Variants in TMEM39A observed in about 807,000 individuals in gnomAD.
TMEM39A encodes transmembrane protein 39A.
A neutral mutation model predicts 51.9 loss-of-function variants in TMEM39A; 19 were observed. The observed-to-expected ratio is 0.37, with a 90% CI of 0.26 to 0.54. The LOEUF is 0.54. TMEM39A is among the 20% of genes least tolerant of loss of function. The pLI, the probability that TMEM39A is intolerant of heterozygous loss-of-function variation, is 0.88. For missense variants in TMEM39A, 433 were observed against 590.5 expected (o/e 0.73, Z 2.76); for synonymous variants, 197 against 220.2 (o/e 0.89, Z 0.93).
intron 5 of TMEM39A, among the ~76,000 whole-genome samples, chr3:119,444,514 T>C (rs1393778484): frequency 6.6e-6 from 1 of 152,222 alleles, no homozygotes; most frequent in Non-Finnish European, 1.5e-5. Flanking sequence ...AGACCTACTA[T>C]AGTATAACCA....
intron 2 of TMEM39A, among the ~76,000 whole-genome samples, chr3:119,461,116 C>G (rs537122089): frequency 7.2e-5 from 11 of 152,224 alleles, no homozygotes; most frequent in African/African-American, 2.6e-4. Flanking sequence ...GTAAAAAATA[C>G]TCTAGCATAA....
intron 5 of TMEM39A, among the ~76,000 whole-genome samples, 163 bp from the exon 6 acceptor site, chr3:119,438,266 G>A (rs1158873112): frequency 1.3e-5 from 2 of 152,046 alleles, no homozygotes; most frequent in African/African-American, 2.4e-5. Context: ...CATTATCTGG[G>A]GAGCTCTTCA....
At chr3:119,434,285 C>T (rs779473565) in intron 8 of TMEM39A, among the ~76,000 whole-genome samples, 1 of 152,118 alleles carries the variant, frequency 6.6e-6, no homozygotes, top group African/African-American at 2.4e-5. Context: ...CTTTTCATGG[C>T]ATTTGTCTGA....
intron 3 of TMEM39A, among the ~76,000 whole-genome samples, chr3:119,455,437 T>C (rs2081251511): frequency 6.6e-6 from 1 of 152,210 alleles, no homozygotes; most frequent in South Asian, 2.1e-4. Context: ...ACAACCTCCA[T>C]TAAGTGTGCG....
Position 119,431,363 on chromosome 3 carries a change from C to T in TMEM39A, c.*618G>A, listed in dbSNP as rs2080897251. 6.6e-6 allele frequency: 1 copy of T among 152,152 alleles called. No individual in the cohort carries two copies. Among genetic ancestry groups the T allele is most frequent in the Non-Finnish European group, 1.5e-5 (1 of 68,046 alleles). The allele number at this position is 152,152 out of a possible 1,614,324, so 9.4% of individuals were successfully genotyped here. ...AGTGGAAACACAGGAAAAGTGGCAG[C>T]AAAACCCTCAGCCTCAGGATAGTAG... On this transcript the variant is annotated 3_prime_UTR_variant, in exon 9 of 9. Coordinates refer to ENST00000319172, the MANE Select transcript of TMEM39A (RefSeq NM_018266.3).
rs367905542 is a variant in TMEM39A, at chr3:119,447,073, G to T, written c.520C>A (p.Leu174Ile). The part of the protein sequence containing the change: ...TLCGWVLCWT[L>I]VNLFRSHSVL... ...GAATGGCTTCGAAAGAGATTGACGA[G>T]GGTCCAACAAAGTACCCATCCACAC... The change falls in exon 5 of 9, where the codon CTC becomes ATC. Residue 174 changes from leucine (L) to isoleucine (I), a missense_variant. Physicochemically the swap from Leu to Ile is conservative, Grantham distance 5. Transcript: ENST00000319172. 6.2e-7 allele frequency: 1 copy of T among 1,614,002 alleles called. No individual in the cohort carries two copies. Among genetic ancestry groups the T allele is most frequent in the Non-Finnish European group, 8.5e-7 (1 of 1,180,016 alleles).
chr3:119,429,577 T>G lies in TMEM39A; in HGVS notation c.*2404A>C, dbSNP rs1430588249. ...CAAATATAGTGTCCCTTCTGTTACA[T>G]GAACTATAATAGGATATCCGGGTAA... On this transcript the variant is annotated 3_prime_UTR_variant, in exon 9 of 9. Transcript: ENST00000319172. 12 of 152,130 alleles carry G rather than the reference T, an allele frequency of 7.9e-5. No individual in the cohort carries two copies. Among genetic ancestry groups the G allele is most frequent in the Non-Finnish European group, 1.5e-5 (1 of 67,990 alleles). 9.4% of individuals were successfully genotyped at this position (152,130 alleles called of 1,614,324 possible).
intron 5 of TMEM39A, among the ~76,000 whole-genome samples, chr3:119,442,022 G>A (rs778375724): frequency 9.9e-5 from 15 of 152,174 alleles, no homozygotes; most frequent in East Asian, 3.8e-4. Flanking sequence ...TTGAACCTAC[G>A]GTTTAGAAAA....
At chr3:119,435,106 G>C in intron 7 of TMEM39A, 1 of 985,088 alleles carries the variant, frequency 1.0e-6, no homozygotes, top group African/African-American at 1.7e-5. Flanking sequence ...AAGAAATATA[G>C]TTAACTCAGT....
At chr3:119,436,308 T>C (rs566724106) in intron 7 of TMEM39A, among the ~76,000 whole-genome samples, 6 of 151,928 alleles carry the variant, frequency 3.9e-5, no homozygotes, top group Admixed American at 6.6e-5. Flanking sequence ...AAGAAAATAA[T>C]AGTAAAAAAG....
At chr3:119,458,824 G>A (rs1478129924) in intron 2 of TMEM39A, among the ~76,000 whole-genome samples, 1 of 152,180 alleles carries the variant, frequency 6.6e-6, no homozygotes, top group Non-Finnish European at 1.5e-5. Flanking sequence ...GAACTTAGGA[G>A]GCGGAGGTTG....
At chr3:119,444,981 G>A (rs1164830846) in intron 5 of TMEM39A, among the ~76,000 whole-genome samples, 2 of 152,140 alleles carry the variant, frequency 1.3e-5, no homozygotes, top group Non-Finnish European at 2.9e-5. Flanking sequence ...TTGGGAGGCT[G>A]AGGTGGGAGA....
intron 3 of TMEM39A, among the ~76,000 whole-genome samples, chr3:119,456,406 T>G (rs1203862620): frequency 2.0e-5 from 3 of 152,228 alleles, no homozygotes; most frequent in Non-Finnish European, 2.9e-5. Context: ...CAAGAAAATT[T>G]TTAATACCAG....
rs2080890551 is a variant in TMEM39A at position 119,430,959 on chromosome 3, A to G, written c.*1022T>C. On this transcript the variant is annotated 3_prime_UTR_variant, in exon 9 of 9. Transcript: ENST00000319172. ...TGGACTAAGTATATCACCTCCCATA[A>G]CTTAAAAGGCTAATACTCATAAACA... is the stretch of plus-strand genomic sequence containing the variant. 6.6e-6 allele frequency: 1 copy of G among 152,148 alleles called. No individual in the cohort carries two copies. The highest frequency in any genetic ancestry group is 1.5e-5 in the Non-Finnish European group (1 of 68,012). 9.4% of individuals were successfully genotyped at this position (152,148 alleles called of 1,614,324 possible). A position where few individuals can be genotyped will look rare whatever the true frequency, so the allele number is the denominator to read the frequency against.
At position 119,462,635 on chromosome 3, in the gene TMEM39A, GGGGGGGGGC is replaced by G. The variant is rs916556902; in HGVS notation, c.-74-496_-74-488del. On this transcript the variant is annotated intron_variant, in intron 1 of 8. Transcript: ENST00000319172. Reference sequence around the variant, plus strand: ...GTTCTTCTGAGTGTGTTTCTTCAAGGGGGGGGGGCGGGGGGGGGGAGTGTCCCCTGTTCT... The same window carrying G: ...GTTCTTCTGAGTGTGTTTCTTCAAGGGGGGGGGGGGAGTGTCCCCTGTTCT... 2.7e-5 allele frequency among the ~76,000 whole-genome samples: 2 copies of G among 74,512 alleles called. 1 individual carries two copies. The highest frequency in any genetic ancestry group is 1.1e-4 in the African/African-American group (2 of 18,896). The allele number at this position is 74,512 out of a possible 152,430, so 48.9% of individuals were successfully genotyped here. A position where few individuals can be genotyped will look rare whatever the true frequency, so the allele number is the denominator to read the frequency against.
rs2080977633 is a variant in TMEM39A, at chr3:119,436,958, C to A, written c.945G>T (p.Met315Ile). ...CFVKSTQYYDMRWSCEHLIMV... is the reference protein window; with the variant it reads ...CFVKSTQYYDIRWSCEHLIMV... ...TAATGAGGTGCTCACATGACCAGCGCATGTCATAGTACTGGGTACTCTGGA... is the reference window on the plus strand; with the variant it reads ...TAATGAGGTGCTCACATGACCAGCGAATGTCATAGTACTGGGTACTCTGGA... The change falls in exon 7 of 9, where the codon ATG (methionine) becomes ATT (isoleucine). Residue 315 changes from methionine (M) to isoleucine (I), a missense_variant. Around this residue, in one of 3 missense-constraint regions of TMEM39A, gnomAD observed 223 missense variants for 328.1 expected, o/e 0.68. Transcript: ENST00000319172. The A allele has an allele frequency of 6.2e-7, 1 of 1,613,596 alleles. No individual in the cohort carries two copies. The highest frequency in any genetic ancestry group is 8.5e-7 in the Non-Finnish European group (1 of 1,179,662).
chr3:119,452,432 T>C lies in TMEM39A; in HGVS notation c.420+15A>G. On this transcript the variant is annotated intron_variant, in intron 4 of 8. Transcript: ENST00000319172. The stretch of plus-strand genomic sequence containing the variant: ...TCTAGCTACATGTGATAGAATATAG[T>C]CAATGAACTGTTACCTCTGAGATGA... 2 of 1,605,990 alleles carry C rather than the reference T, an allele frequency of 1.2e-6. No individual in the cohort carries two copies. Among genetic ancestry groups the C allele is most frequent in the South Asian group, 1.1e-5 (1 of 90,772 alleles).
chr3:119,458,287 A>G, intron 2 of TMEM39A, 47 bp from the exon 3 acceptor site: 1 of 1,536,594 alleles, frequency 6.5e-7, no homozygotes, highest in South Asian at 1.1e-5. Flanking sequence ...AACCTCCAGT[A>G]TCACAGAACA....
At chr3:119,453,349 C>G (rs1032135905) in intron 3 of TMEM39A, among the ~76,000 whole-genome samples, 2 of 152,154 alleles carry the variant, frequency 1.3e-5, no homozygotes, top group African/African-American at 4.8e-5. Context: ...AGATGACAGC[C>G]AAGGTTCCTG....
Sources: allele counts gnomAD v4.1 joint callset (sites outside exome capture counted in the v4.1 genomes callset), GRCh38; gene constraint gnomAD v4.1.1; regional missense constraint gnomAD v4.1.1; transcripts MANE v1.5; gene names NCBI Gene and HGNC (gene_info 2026-07-23, HGNC 2026-07-21).